CCDC198: variants seen among roughly 807,000 people sequenced by gnomAD.
CCDC198 encodes coiled-coil domain containing 198.
Under a neutral mutation model 35.6 loss-of-function variants are expected in CCDC198, and 18 were observed. That is an observed-to-expected ratio of 0.51 (90% confidence interval 0.35 to 0.75). The LOEUF (loss-of-function observed/expected upper bound fraction) is 0.75, where lower values mean the gene tolerates loss of function less well. CCDC198 is among the 30% of genes least tolerant of loss of function. CCDC198 has a pLI of 0.01. For synonymous variants in CCDC198, 119 were observed against 113.4 expected, an observed-to-expected ratio of 1.05 and a Z score of -0.31; for missense variants, 365 against 343.7, an observed-to-expected ratio of 1.06 and a Z score of -0.49.
chr14:57,480,537 T>C, intron 5 of CCDC198, 58 bp downstream of exon 5: 1 of 1,578,362 alleles, frequency 6.3e-7, no homozygotes, highest in East Asian at 2.2e-5. Context: ...TGGTAGTTTA[T>C]TTGATGAAGT....
intron 1 of CCDC198, 126 bp downstream of exon 1, chr14:57,493,367 T>C: frequency 1.3e-6 from 1 of 785,868 alleles, no homozygotes; most frequent in African/African-American, 1.7e-5. Flanking sequence ...TTTTCAAAGA[T>C]AGCCTAAATT....
rs1406287692 is a variant in CCDC198, at chr14:57,490,905, C to G, written c.306+84G>C. On this transcript the variant is annotated intron_variant, in intron 2 of 5. Transcript: ENST00000216445. Reference sequence around the variant, plus strand: ...TTAATAGCTTGGTCCTTATCAATATCCCTCTTTGATGATTATAGTTTAAAA... The same window carrying G: ...TTAATAGCTTGGTCCTTATCAATATGCCTCTTTGATGATTATAGTTTAAAA... The G allele has an allele frequency of 2.4e-6, 3 of 1,247,662 alleles. No homozygotes were observed. The South Asian group carries it at 4.0e-5, about 17-fold the overall frequency. The allele number at this position is 1,247,662 out of a possible 1,614,324, so 77.3% of individuals were successfully genotyped here.
chr14:57,482,935 T>C (rs1362498301), intron 3 of CCDC198, 130 bp downstream of exon 3: 2 of 1,290,356 alleles, frequency 1.5e-6, no homozygotes, highest in Non-Finnish European at 2.2e-6. Context: ...TCTGAATGAC[T>C]TAACAGTTTG....
chr14:57,478,507 G>A lies in CCDC198; in HGVS notation c.655+2088C>T, dbSNP rs2067075554. ...AGCAGCTTTAAAAAGCATCAGGAGA[G>A]CAGAGGAAAACCCCTTTCTCCATGT... On this transcript the variant is annotated intron_variant, in intron 5 of 5. Transcript: ENST00000216445. 5 of 986,856 alleles carry A rather than the reference G, an allele frequency of 5.1e-6. No individual in the cohort carries two copies. The South Asian group carries it at 1.4e-4, about 28-fold the overall frequency. 61.1% of individuals were successfully genotyped at this position (986,856 alleles called of 1,614,324 possible).
intron 5 of CCDC198, among the ~76,000 whole-genome samples, chr14:57,475,126 T>C (rs1199903139): frequency 6.6e-6 from 1 of 151,684 alleles, no homozygotes; most frequent in Non-Finnish European, 1.5e-5. Context: ...CCGGGCATGG[T>C]GGCGGGCGCC....
At chr14:57,474,141 C>T (rs996445838) in intron 5 of CCDC198, among the ~76,000 whole-genome samples, 1 of 152,210 alleles carries the variant, frequency 6.6e-6, no homozygotes, top group African/African-American at 2.4e-5. Context: ...CTGCCTGGCT[C>T]ATCACCATAC....
chr14:57,481,547 T>A lies in CCDC198; in HGVS notation c.495+12A>T. The A allele has an allele frequency of 6.3e-7, 1 of 1,585,454 alleles. No homozygotes were observed. The highest frequency in any genetic ancestry group is 8.7e-7 in the Non-Finnish European group (1 of 1,155,750). On this transcript the variant is annotated intron_variant, in intron 4 of 5. Transcript: ENST00000216445. ...GAAAATTTGGTAAATATGACACTCT[T>A]CTCGTATTTACCTCTTGTCTTTTAC...
rs1049081903 is a variant in CCDC198, at chr14:57,486,246, G to A, written c.307-3095C>T. ...TATGCCTTCGCAGCCATTACTGCACGCCATGCCCAGGGTTATAAATATGTA... is the reference window on the plus strand; with the variant it reads ...TATGCCTTCGCAGCCATTACTGCACACCATGCCCAGGGTTATAAATATGTA... On this transcript the variant is annotated intron_variant, in intron 2 of 5. Transcript: ENST00000216445. 4.6e-5 allele frequency among the ~76,000 whole-genome samples: 7 copies of A among 152,156 alleles called. No individual in the cohort carries two copies. The East Asian group carries it at 5.8e-4, about 13-fold the overall frequency.
At chr14:57,487,184 AT>A (rs764999678) in intron 2 of CCDC198, among the ~76,000 whole-genome samples, 26 of 152,212 alleles carry the variant, frequency 1.7e-4, no homozygotes, top group Non-Finnish European at 7.3e-5. Context: ...CTACCAGAGA[AT>A]CGGTTAGAAT....
chr14:57,472,388 T>G (rs990790244), intron 5 of CCDC198, among the ~76,000 whole-genome samples: 2 of 152,212 alleles, frequency 1.3e-5, no homozygotes, highest in African/African-American at 4.8e-5. Context: ...CCAGGTCAAT[T>G]ATTTTGCAGA....
rs572769562 is a variant in CCDC198, at chr14:57,482,028, T to G, written c.394-368A>C. ...TTGAGGAAACCTTTCTTTTTCTCCC[T>G]GCCTCTTTTACCATTGAGTAATTGG... On this transcript the variant is annotated intron_variant, in intron 3 of 5. Coordinates refer to ENST00000216445, the MANE Select transcript of CCDC198 (RefSeq NM_018168.4). Among the ~76,000 whole-genome samples, 13 of 152,338 alleles carry G rather than the reference T, an allele frequency of 8.5e-5. No individual in the cohort carries two copies. The South Asian group carries it at 2.7e-3, about 32-fold the overall frequency.
chr14:57,483,983 A>G (rs2067272891), intron 2 of CCDC198, among the ~76,000 whole-genome samples: 2 of 152,242 alleles, frequency 1.3e-5, no homozygotes, highest in Admixed American at 1.3e-4. Context: ...TAATAGATGT[A>G]CATTTGCTTG....
At chr14:57,480,532 G>A in intron 5 of CCDC198, 63 bp downstream of exon 5, 1 of 1,568,298 alleles carries the variant, frequency 6.4e-7, no homozygotes, top group South Asian at 1.1e-5. Context: ...TCCCTTGGTA[G>A]TTTATTTGAT....
At position 57,469,787 on chromosome 14, in the gene CCDC198, C is replaced by T. The variant is rs961660729; in HGVS notation, c.*1568G>A. On this transcript the variant is annotated 3_prime_UTR_variant, in exon 6 of 6. Coordinates refer to ENST00000216445, the MANE Select transcript of CCDC198 (RefSeq NM_018168.4). ...AGAAACATGAATTTTTATCACCTGA[C>T]ATCTCAGGCTTGTTATCTTCTTAGT... 2.0e-5 allele frequency: 3 copies of T among 152,182 alleles called. No homozygotes were observed. The highest frequency in any genetic ancestry group is 4.4e-5 in the Non-Finnish European group (3 of 68,036). 9.4% of individuals were successfully genotyped at this position (152,182 alleles called of 1,614,324 possible).
At position 57,480,707 on chromosome 14, in the gene CCDC198, A is replaced by G. The variant is rs1027920798; in HGVS notation, c.543T>C (p.Asn181=). The G allele has an allele frequency of 1.9e-6, 3 of 1,613,976 alleles. No individual in the cohort carries two copies. Among genetic ancestry groups the G allele is most frequent in the Non-Finnish European group, 1.7e-6 (2 of 1,180,000 alleles). The change falls in exon 5 of 6, where the codon AAT becomes AAC. Residue 181 remains asparagine, a synonymous_variant. Coordinates refer to ENST00000216445, the MANE Select transcript of CCDC198 (RefSeq NM_018168.4). ...CTTTATGGTCCCTTGGACTTTGCTT[A>G]TTAATTCTTGCCTCTCCATGAAGAC... ...KKSLHGEARI[N]KQSPRDHKAK... is the part of the protein sequence containing the mutation.
At chr14:57,478,005 C>G (rs908911693) in intron 5 of CCDC198, among the ~76,000 whole-genome samples, 2 of 152,114 alleles carry the variant, frequency 1.3e-5, no homozygotes, top group Non-Finnish European at 2.9e-5. Flanking sequence ...AGAAGCTCCT[C>G]AGGTGGTTCT....
At chr14:57,480,299 G>T (rs1248217838) in intron 5 of CCDC198, 1 of 985,262 alleles carries the variant, frequency 1.0e-6, no homozygotes. Context: ...ACAAGATGAG[G>T]CTATTTTGCC....
intron 4 of CCDC198, 152 bp downstream of exon 4, chr14:57,481,407 T>C (rs2139507138): frequency 1.7e-6 from 1 of 576,772 alleles, no homozygotes; most frequent in East Asian, 3.0e-5. Context: ...TCTTCCTGAT[T>C]CTTCTCAGCT....
chr14:57,487,187 G>A (rs1006336888), intron 2 of CCDC198, among the ~76,000 whole-genome samples: 7 of 152,118 alleles, frequency 4.6e-5, no homozygotes, highest in African/African-American at 7.2e-5. Context: ...CCAGAGAATC[G>A]GTTAGAATGA....
Sources: gnomAD v4.1 joint callset for allele counts (sites outside exome capture counted in the v4.1 genomes callset) on GRCh38, gnomAD v4.1.1 for gene constraint, MANE v1.5 for transcripts, NCBI Gene and HGNC (gene_info 2026-07-23, HGNC 2026-07-21) for gene names.